The following NEGR1 variants were observed in gnomAD, a reference collection of about 807,000 sequenced individuals.
NEGR1 encodes IgLON family member 4.
In NEGR1, 10 loss-of-function variants were observed where a neutral mutation model predicts 40.9. The observed-to-expected ratio is 0.24, with a 90% confidence interval of 0.15 to 0.42. NEGR1 has a LOEUF of 0.42. NEGR1 is among the 10% of genes least tolerant of loss of function. NEGR1 has a pLI of 1.00. For missense variants in NEGR1, 352 were observed against 438.9 expected (o/e 0.80, Z 1.77); for synonymous variants, 185 against 166.8 (o/e 1.11, Z -0.84).
chr1:72,010,722 T>A (rs1646649096), intron 1 of NEGR1, among the ~76,000 whole-genome samples: 1 of 150,962 alleles, frequency 6.6e-6, no homozygotes, highest in East Asian at 2.0e-4. Context: ...TGGCTACAAA[T>A]CTGAGGGGGC....
intron 1 of NEGR1, among the ~76,000 whole-genome samples, chr1:72,032,255 T>A (rs1646864748): frequency 6.6e-6 from 1 of 152,176 alleles, no homozygotes; most frequent in Admixed American, 6.5e-5. Flanking sequence ...TGGCCCATCA[T>A]AAGCATCCTA....
rs59019409 is a variant in NEGR1, at chr1:71,690,619, C to CAGAGAGAGAGAGAGAGAGAG, written c.667+7369_667+7388dup. Among the ~76,000 whole-genome samples the CAGAGAGAGAGAGAGAGAGAG allele has an allele frequency of 3.0e-3, 202 of 67,644 alleles. 15 individuals are homozygous for CAGAGAGAGAGAGAGAGAGAG. Among genetic ancestry groups the CAGAGAGAGAGAGAGAGAGAG allele is most frequent in the South Asian group, 6.9e-3 (8 of 1,152 alleles). 44.4% of individuals were successfully genotyped at this position (67,644 alleles called of 152,430 possible). On this transcript the variant is annotated intron_variant, in intron 4 of 6. Coordinates refer to ENST00000357731, the MANE Select transcript of NEGR1 (RefSeq NM_173808.3). Reference sequence around the variant, plus strand: ...ACACACATATATATATAGAGGGAGACAGAGAGAGAGAGAGAGAGAGAGAGA... The same window carrying CAGAGAGAGAGAGAGAGAGAG: ...ACACACATATATATATAGAGGGAGACAGAGAGAGAGAGAGAGAGAGAGAGAGAGAGAGAGAGAGAGAGAGA...
At chr1:71,441,857 C>T (rs12125471) in intron 6 of NEGR1, among the ~76,000 whole-genome samples, 11,550 of 152,046 alleles carry the variant, frequency 0.076, 614 homozygotes, top group Non-Finnish European at 0.11. Context: ...GAGAGGAAAC[C>T]CTGCAAAATT....
intron 6 of NEGR1, among the ~76,000 whole-genome samples, chr1:71,412,989 T>A (rs757108882): frequency 6.6e-6 from 1 of 150,944 alleles, no homozygotes; most frequent in African/African-American, 2.4e-5. Context: ...TTAGTAAAGC[T>A]AAGACATTCT....
chr1:71,742,624 T>C (rs937872226), intron 3 of NEGR1, among the ~76,000 whole-genome samples: 25 of 152,164 alleles, frequency 1.6e-4, no homozygotes, highest in Non-Finnish European at 2.2e-4. Flanking sequence ...CCTGCCATTG[T>C]ATTTTGGAAG....
At chr1:71,689,356 GGTACCA>G (rs1290075735) in intron 4 of NEGR1, among the ~76,000 whole-genome samples, 12 of 152,072 alleles carry the variant, frequency 7.9e-5, no homozygotes, top group African/African-American at 2.7e-4. Context: ...AGGAGTAGGT[GGTACCA>G]GAGAGTGATT....
At chr1:72,002,700 G>A (rs576691685) in intron 1 of NEGR1, among the ~76,000 whole-genome samples, 22 of 152,192 alleles carry the variant, frequency 1.4e-4, no homozygotes, top group African/African-American at 3.4e-4. Flanking sequence ...TTTACTATTC[G>A]TATTACTAAT....
intron 1 of NEGR1, among the ~76,000 whole-genome samples, chr1:72,260,030 T>C (rs1295838888): frequency 6.6e-6 from 1 of 152,110 alleles, no homozygotes; most frequent in African/African-American, 2.4e-5. Context: ...ACTTAATCAT[T>C]TACTATGTAC....
At chr1:71,811,858 A>ATTTATTTTAT (rs71074806) in intron 2 of NEGR1, among the ~76,000 whole-genome samples, 3,941 of 137,520 alleles carry the variant, frequency 0.029, 132 homozygotes, top group African/African-American at 0.072. Context: ...AGTTCTATTT[A>ATTTATTTTAT]TTTATTTTAT....
chr1:71,906,174 T>C (rs1241489671), intron 2 of NEGR1, among the ~76,000 whole-genome samples: 1 of 152,074 alleles, frequency 6.6e-6, no homozygotes, highest in Non-Finnish European at 1.5e-5. Flanking sequence ...AAGCCATTCT[T>C]TGTTCAAATA....
intron 2 of NEGR1, among the ~76,000 whole-genome samples, chr1:71,881,595 A>T (rs955525621): frequency 2.6e-5 from 4 of 152,096 alleles, no homozygotes; most frequent in Non-Finnish European, 5.9e-5. Flanking sequence ...TGCAAGGTAC[A>T]TTTGCTCAAT....
intron 6 of NEGR1, among the ~76,000 whole-genome samples, chr1:71,563,694 A>T (rs1648531126): frequency 6.6e-6 from 1 of 152,024 alleles, no homozygotes; most frequent in South Asian, 2.1e-4. Flanking sequence ...AGTTTGGAAC[A>T]AGCAAAAGAA....
At chr1:71,796,843 G>C (rs923557109) in intron 2 of NEGR1, among the ~76,000 whole-genome samples, 1 of 152,114 alleles carries the variant, frequency 6.6e-6, no homozygotes. Flanking sequence ...ACTTCCGGAG[G>C]AGTTGAGAGA....
intron 6 of NEGR1, among the ~76,000 whole-genome samples, chr1:71,497,089 G>C (rs998088482): frequency 1.3e-5 from 2 of 152,088 alleles, no homozygotes; most frequent in African/African-American, 4.8e-5. Flanking sequence ...AGAAATAATT[G>C]GGCCACGAGT....
At chr1:72,022,020 A>T (rs929620868) in intron 1 of NEGR1, among the ~76,000 whole-genome samples, 4 of 151,934 alleles carry the variant, frequency 2.6e-5, no homozygotes, top group African/African-American at 4.8e-5. Flanking sequence ...CTGTAGTCCC[A>T]GCTACTTGGG....
chr1:71,561,069 A>G (rs1648442119), intron 6 of NEGR1, among the ~76,000 whole-genome samples: 2 of 151,594 alleles, frequency 1.3e-5, no homozygotes, highest in South Asian at 2.1e-4. Flanking sequence ...TATGATGTAC[A>G]TAAAGTCCAT....
chr1:72,094,510 C>G (rs1039374089), intron 1 of NEGR1, among the ~76,000 whole-genome samples: 1 of 152,158 alleles, frequency 6.6e-6, no homozygotes, highest in African/African-American at 2.4e-5. Flanking sequence ...TCAAAAACAA[C>G]TGCAGATGGA....
intron 2 of NEGR1, among the ~76,000 whole-genome samples, chr1:71,869,389 C>A (rs879522506): frequency 6.6e-6 from 1 of 151,784 alleles, no homozygotes; most frequent in African/African-American, 2.4e-5. Context: ...TGTGAAATAG[C>A]CAAAAATACT....
intron 6 of NEGR1, among the ~76,000 whole-genome samples, chr1:71,524,078 A>G (rs1416185441): frequency 1.3e-5 from 2 of 151,840 alleles, no homozygotes; most frequent in Admixed American, 6.6e-5. Context: ...GAATAACCAC[A>G]AGCAAGCATT....
Sources: gnomAD v4.1 joint callset for allele counts (sites outside exome capture counted in the v4.1 genomes callset) on GRCh38, gnomAD v4.1.1 for gene constraint, MANE v1.5 for transcripts, NCBI Gene and HGNC (gene_info 2026-07-23, HGNC 2026-07-21) for gene names.